The following DCP1B variants were observed in gnomAD, a reference collection of about 807,000 sequenced individuals.
The protein encoded by DCP1B is mRNA-decapping enzyme 1B.
In DCP1B, 47 loss-of-function variants were observed where a neutral mutation model predicts 60.5. The observed-to-expected ratio is 0.78, with a 90% CI of 0.61 to 0.99. The LOEUF is 0.99. DCP1B is among the 50% of genes least tolerant of loss of function. DCP1B has a pLI of 0.00. For missense variants in DCP1B, 725 were observed against 756.8 expected, an observed-to-expected ratio of 0.96 and a Z score of 0.49; for synonymous variants, 267 against 280.3, an observed-to-expected ratio of 0.95 and a Z score of 0.47.
chr12:1,985,603 T>C (rs2037465652), intron 3 of DCP1B, among the ~76,000 whole-genome samples: 1 of 152,214 alleles, frequency 6.6e-6, no homozygotes, highest in African/African-American at 2.4e-5. Context: ...CTACTGATTT[T>C]TTCCTTGACA....
rs1192608682 is a variant in DCP1B at position 1,962,018 on chromosome 12, G to A, written c.522+3540C>T. Among the ~76,000 whole-genome samples, 1 of 152,176 alleles carries A rather than the reference G, an allele frequency of 6.6e-6. No individual in the cohort carries two copies. Among genetic ancestry groups the A allele is most frequent in the Admixed American group, 6.5e-5 (1 of 15,278 alleles). ...CTGGAGACAAGAGGCATGCCACGCTGCACAGGGCCACGTGTGGAAGCCTCA... is the reference window on the plus strand; with the variant it reads ...CTGGAGACAAGAGGCATGCCACGCTACACAGGGCCACGTGTGGAAGCCTCA... On this transcript the variant is annotated intron_variant, in intron 5 of 8. Coordinates refer to ENST00000280665, the MANE Select transcript of DCP1B (RefSeq NM_152640.5). The surrounding 1 kb of genome is among the most constrained non-coding windows in gnomAD (Gnocchi z 4.4).
intron 3 of DCP1B, chr12:1,991,848 A>T (rs1274099422): frequency 6.5e-6 from 1 of 153,962 alleles, no homozygotes; most frequent in Admixed American, 6.5e-5. Context: ...TTAAAATAAA[A>T]TATTACCTAT....
At position 1,949,098 on chromosome 12, in the gene DCP1B, C is replaced by T; in HGVS notation, c.1761G>A (p.Leu587=). Reference sequence around the variant, plus strand: ...CGTGCTTGCTTACCTGAATGAGGTACAGCAGTGCCTCCTGGAGCTGGAGCT... The same window carrying T: ...CGTGCTTGCTTACCTGAATGAGGTATAGCAGTGCCTCCTGGAGCTGGAGCT... ...LTKLQLQEAL[L]YLIQNDDNFL... is the part of the protein sequence containing the mutation. Residue 587 remains leucine (L), a synonymous_variant, in exon 8 of 9, where the codon CTG becomes CTA. Transcript: ENST00000280665. The T allele has an allele frequency of 2.5e-6, 4 of 1,613,868 alleles. No individual in the cohort carries two copies. The highest frequency in any genetic ancestry group is 2.5e-6 in the Non-Finnish European group (3 of 1,179,824).
Position 1,952,689 on chromosome 12 carries a change from T to G in DCP1B, c.1251A>C (p.Val417=). The change falls in exon 7 of 9, where the codon GTA becomes GTC. Residue 417 remains valine (V), a synonymous_variant. Coordinates refer to ENST00000280665, the MANE Select transcript of DCP1B (RefSeq NM_152640.5). ...GTTCTCTTCCATGAGCCTGATGTCC[T>G]ACTGTCTGAGGTGGAAGGGAGCCAT... is the stretch of plus-strand genomic sequence containing the variant. ...YFNGSLPPQT[V]GHQAHGREQS... is the part of the protein sequence containing the mutation. 1.2e-6 allele frequency: 2 copies of G among 1,614,174 alleles called. No homozygotes were observed. Among genetic ancestry groups the G allele is most frequent in the Non-Finnish European group, 8.5e-7 (1 of 1,180,040 alleles).
intron 3 of DCP1B, among the ~76,000 whole-genome samples, chr12:1,980,317 A>G (rs546977210): frequency 2.4e-3 from 367 of 152,348 alleles, no homozygotes; most frequent in Middle Eastern, 0.014. Context: ...CATTCACTTC[A>G]AAGTACCTGA....
rs2030411999 is a variant in DCP1B, at chr12:1,946,156, T to G, written c.*50A>C. The stretch of plus-strand genomic sequence containing the variant: ...CAACACTCAACATGAAAGAACCTTG[T>G]GCCGGAGTTCTAGAAGGACCTTGAA... On this transcript the variant is annotated 3_prime_UTR_variant, in exon 9 of 9. Transcript: ENST00000280665. 2 of 1,372,942 alleles carry G rather than the reference T, an allele frequency of 1.5e-6. No homozygotes were observed. Among genetic ancestry groups the G allele is most frequent in the Non-Finnish European group, 2.0e-6 (2 of 1,013,064 alleles). 85.0% of individuals were successfully genotyped at this position (1,372,942 alleles called of 1,614,324 possible).
intron 3 of DCP1B, among the ~76,000 whole-genome samples, chr12:1,974,880 T>C (rs1294446671): frequency 6.6e-6 from 1 of 152,172 alleles, no homozygotes; most frequent in Non-Finnish European, 1.5e-5. Flanking sequence ...ACATGTCTAT[T>C]TATGCTTAAG....
At chr12:1,987,839 A>G (rs2038243828) in intron 3 of DCP1B, among the ~76,000 whole-genome samples, 1 of 152,076 alleles carries the variant, frequency 6.6e-6, no homozygotes, top group Non-Finnish European at 1.5e-5. Flanking sequence ...TTTTTGTTCA[A>G]TATTTTGTTT....
At chr12:1,959,375 C>G (rs1396275444) in intron 5 of DCP1B, among the ~76,000 whole-genome samples, 1 of 152,162 alleles carries the variant, frequency 6.6e-6, no homozygotes, top group Admixed American at 6.5e-5. Flanking sequence ...GGAACTCAAA[C>G]AACTCAACAG....
intron 3 of DCP1B, among the ~76,000 whole-genome samples, chr12:1,990,455 C>CT (rs2039076953): frequency 6.6e-6 from 1 of 152,102 alleles, no homozygotes; most frequent in Non-Finnish European, 1.5e-5. Context: ...TATCAAGCAT[C>CT]TTTTTTTGGC....
At chr12:1,950,505 GA>G (rs2030628248) in intron 7 of DCP1B, 11 of 680,534 alleles carry the variant, frequency 1.6e-5, no homozygotes. Context: ...ACACTGAAAT[GA>G]GGGGGAGTGG....
chr12:1,965,777 T>A (rs531129662), intron 4 of DCP1B, 84 bp from the exon 5 acceptor site: 1 of 1,453,518 alleles, frequency 6.9e-7, no homozygotes, highest in East Asian at 2.6e-5. Flanking sequence ...TCTCACCTAG[T>A]TGTTTTCATC....
Position 1,953,141 on chromosome 12 carries a change from T to G in DCP1B, c.799A>C (p.Arg267=). The change falls in exon 7 of 9, where the codon AGG becomes CGG. Residue 267 remains arginine, a synonymous_variant. Coordinates refer to ENST00000280665, the MANE Select transcript of DCP1B (RefSeq NM_152640.5). ...GACAGGGAGCGTACAACCCCCTGCC[T>G]AATTGGAAGCTTCTCTTGCTGCTGC... The part of the protein sequence containing the change: ...QQQQQEKLPI[R]QGVVRSLSYE... 1 of 1,609,558 alleles carries G rather than the reference T, an allele frequency of 6.2e-7. No individual in the cohort carries two copies. The highest frequency in any genetic ancestry group is 8.5e-7 in the Non-Finnish European group (1 of 1,179,212).
At chr12:1,988,713 A>AC (rs1266450294) in intron 3 of DCP1B, among the ~76,000 whole-genome samples, 2 of 152,180 alleles carry the variant, frequency 1.3e-5, no homozygotes, top group Non-Finnish European at 2.9e-5. Context: ...AAGTCTACCA[A>AC]CCACTCACTT....
intron 5 of DCP1B, among the ~76,000 whole-genome samples, chr12:1,963,983 G>A (rs905409347): frequency 1.3e-4 from 19 of 151,842 alleles, no homozygotes; most frequent in Admixed American, 7.9e-4. Context: ...TTCCAACCAC[G>A]TTTATCTAAT....
intron 1 of DCP1B, among the ~76,000 whole-genome samples, chr12:2,002,571 T>A (rs551351134): frequency 2.0e-5 from 3 of 152,338 alleles, no homozygotes; most frequent in South Asian, 2.1e-4. Context: ...TAAAAAGGTA[T>A]CTATCACATT....
chr12:1,958,936 T>C (rs2031014718), intron 5 of DCP1B, among the ~76,000 whole-genome samples: 1 of 126,126 alleles, frequency 7.9e-6, no homozygotes, highest in Non-Finnish European at 1.7e-5. Flanking sequence ...TGACTTTTTC[T>C]ATAAACCTCC....
intron 3 of DCP1B, 154 bp downstream of exon 3, chr12:1,993,110 G>A (rs2039874285): frequency 1.1e-6 from 1 of 932,124 alleles, no homozygotes; most frequent in South Asian, 1.3e-5. Flanking sequence ...CATCATTAGG[G>A]CATGCATTTC....
chr12:1,997,941 T>A lies in DCP1B; in HGVS notation c.185A>T (p.Tyr62Phe). Reference sequence around the variant, plus strand: ...AAAAGTGAAACACTCTTACCTTGTATAAACAAATAAGGTTCCTTCCACATC... The same window carrying A: ...AAAAGTGAAACACTCTTACCTTGTAAAAACAAATAAGGTTCCTTCCACATC... ...KTDVEGTLFV[Y>F]TRSASPKHGF... Residue 62 changes from tyrosine to phenylalanine, a missense_variant, in exon 2 of 9, where the codon TAT becomes TTT. Transcript: ENST00000280665. The A allele has an allele frequency of 2.5e-6, 4 of 1,608,214 alleles. No individual in the cohort carries two copies. The highest frequency in any genetic ancestry group is 3.4e-6 in the Non-Finnish European group (4 of 1,177,444).
Sources: allele counts gnomAD v4.1 joint callset (sites outside exome capture counted in the v4.1 genomes callset), GRCh38; gene constraint gnomAD v4.1.1; non-coding constraint Gnocchi (gnomAD v3.1); transcripts MANE v1.5; gene names NCBI Gene and HGNC (gene_info 2026-07-23, HGNC 2026-07-21).